Variants in PLXND1 observed in about 807,000 individuals in gnomAD.
PLXND1 encodes the protein plexin D1.
Under a neutral mutation model 197.7 loss-of-function variants are expected in PLXND1, and 54 were observed. That is an observed-to-expected ratio of 0.27 (90% CI 0.22 to 0.34). The LOEUF (loss-of-function observed/expected upper bound fraction) is 0.34. Among genes scored for constraint, PLXND1 ranks in the 10% least tolerant of loss-of-function variants. The probability of loss-of-function intolerance (pLI) is 1.00; values close to 1 mark genes in which losing one functional copy is unlikely to be tolerated. For missense variants in PLXND1, 2,127 were observed against 2,699.2 expected, an observed-to-expected ratio of 0.79 and a Z score of 4.70; for synonymous variants, 1,180 against 1,161.2, an observed-to-expected ratio of 1.02 and a Z score of -0.33.
At chr3:129,556,835 G>A in intron 34 of PLXND1, 144 bp from the exon 35 acceptor site, 1 of 709,324 alleles carries the variant, frequency 1.4e-6, no homozygotes, top group South Asian at 1.8e-5. Context: ...CAAGTCCCAT[G>A]GACGAAGACG....
chr3:129,588,494 C>A (rs541740933), intron 2 of PLXND1, among the ~76,000 whole-genome samples: 2 of 152,224 alleles, frequency 1.3e-5, no homozygotes, highest in African/African-American at 4.8e-5. Flanking sequence ...CCCCAAACCA[C>A]GAGCCCCATT....
chr3:129,600,052 G>A (rs1433672022), intron 1 of PLXND1, among the ~76,000 whole-genome samples: 1 of 152,238 alleles, frequency 6.6e-6, no homozygotes, highest in African/African-American at 2.4e-5. Context: ...GCTCGGCGAC[G>A]GTTTTTATTC....
At chr3:129,578,476 A>G in intron 8 of PLXND1, 43 bp from the exon 9 acceptor site, 1 of 1,262,352 alleles carries the variant, frequency 7.9e-7, no homozygotes, top group Non-Finnish European at 1.1e-6. Flanking sequence ...GGGGCATTTC[A>G]GAGAAGAGGC....
At chr3:129,602,401 T>C (rs2085722516) in intron 1 of PLXND1, among the ~76,000 whole-genome samples, 1 of 152,204 alleles carries the variant, frequency 6.6e-6, no homozygotes, top group Non-Finnish European at 1.5e-5. Flanking sequence ...GCCTTTCCTC[T>C]TCTCCGGCCT....
At chr3:129,598,800 A>T (rs1321251930) in intron 1 of PLXND1, among the ~76,000 whole-genome samples, 1 of 151,944 alleles carries the variant, frequency 6.6e-6, no homozygotes, top group Non-Finnish European at 1.5e-5. Flanking sequence ...AGCCTGCTCC[A>T]CCTGGAGCAC....
chr3:129,590,851 A>C (rs2085529611), intron 1 of PLXND1, among the ~76,000 whole-genome samples: 1 of 152,196 alleles, frequency 6.6e-6, no homozygotes, highest in Admixed American at 6.5e-5. Flanking sequence ...CCCATGCCTC[A>C]GCTGCATTTG....
chr3:129,600,091 T>C (rs1043073410), intron 1 of PLXND1, among the ~76,000 whole-genome samples: 1 of 152,212 alleles, frequency 6.6e-6, no homozygotes, highest in African/African-American at 2.4e-5. Flanking sequence ...GCCTCTTGCC[T>C]TCAAGACAGT....
At chr3:129,572,458 G>A (rs2085247984) in intron 15 of PLXND1, 151 bp downstream of exon 15, 2 of 601,852 alleles carry the variant, frequency 3.3e-6, no homozygotes, top group African/African-American at 1.9e-5. Context: ...AGGAAACTGA[G>A]GCTCAGAGAG....
chr3:129,572,721 T>C lies in PLXND1; in HGVS notation c.2965A>G (p.Thr989Ala), dbSNP rs1360641621. The C allele has an allele frequency of 2.5e-6, 4 of 1,598,672 alleles. No homozygotes were observed. The African/African-American group carries it at 4.0e-5, about 16-fold the overall frequency. Residue 989 changes from threonine (T) to alanine (A), a missense_variant, in exon 15 of 36, where the codon ACC (threonine) becomes GCC (alanine). By Grantham distance (58) the Thr-to-Ala change is moderately conservative (BLOSUM62 0). This residue lies in a region of PLXND1 where 1,095 missense variants were observed against 1,259.8 expected (regional missense o/e 0.87). Coordinates refer to ENST00000324093, the MANE Select transcript of PLXND1 (RefSeq NM_015103.3). ...VLPLVHSLEPTMGPKAGGTRI... is the reference protein window; with the variant it reads ...VLPLVHSLEPAMGPKAGGTRI... ...GTGCCCCCGGCCTTGGGGCCCATGG[T>C]AGGCTCCAGGGAGTGGACCAGGGGC...
chr3:129,606,403 G>C lies in PLXND1; in HGVS notation c.237C>G (p.Leu79=). The C allele has an allele frequency of 6.8e-7, 1 of 1,476,208 alleles. No homozygotes were observed. The highest frequency in any genetic ancestry group is 1.9e-4 in the Middle Eastern group (1 of 5,392). The allele number at this position is 1,476,208 out of a possible 1,614,324, so 91.4% of individuals were successfully genotyped here. The change falls in exon 1 of 36, where the codon CTC becomes CTG. Residue 79 remains leucine, a synonymous_variant. Transcript: ENST00000324093. The part of the protein sequence containing the change: ...GTVYLAAVNR[L]YQLSGANLSL... ...TCAGGTTGGCGCCCGACAGCTGATAGAGGCGGTTGACGGCCGCCAGGTACA... is the reference window on the plus strand; with the variant it reads ...TCAGGTTGGCGCCCGACAGCTGATACAGGCGGTTGACGGCCGCCAGGTACA...
At chr3:129,560,903 A>G (rs2108764171) in intron 29 of PLXND1, 180 bp from the exon 30 acceptor site, 2 of 685,886 alleles carry the variant, frequency 2.9e-6, no homozygotes, top group Admixed American at 4.1e-5. Context: ...AGAGACAGTC[A>G]GAGAGAATGA....
chr3:129,601,703 G>A (rs892002469), intron 1 of PLXND1, among the ~76,000 whole-genome samples: 2 of 152,116 alleles, frequency 1.3e-5, no homozygotes, highest in Non-Finnish European at 2.9e-5. Context: ...CACCCCATGG[G>A]TACCAACATC....
At chr3:129,570,997 T>C (rs2085217085) in intron 18 of PLXND1, 43 bp downstream of exon 18, 1 of 1,612,952 alleles carries the variant, frequency 6.2e-7, no homozygotes, top group African/African-American at 1.3e-5. Flanking sequence ...CAGCTGAGGC[T>C]GGCTCGCTTG....
intron 1 of PLXND1, among the ~76,000 whole-genome samples, chr3:129,605,036 AC>A (rs1465581069): frequency 6.6e-6 from 1 of 152,120 alleles, no homozygotes; most frequent in African/African-American, 2.4e-5. Flanking sequence ...CTTTATGCGC[AC>A]CTGGGTACCT....
intron 8 of PLXND1, among the ~76,000 whole-genome samples, chr3:129,580,870 C>T (rs762961615): frequency 2.6e-5 from 4 of 151,956 alleles, no homozygotes; most frequent in Non-Finnish European, 2.9e-5. Context: ...TTCCTACCAC[C>T]CCACTCTCTC....
In PLXND1 at chr3:129,585,892, G is replaced by T. The variant is rs1019708115; in HGVS notation, c.1851+60C>A. On this transcript the variant is annotated intron_variant, in intron 5 of 35. Transcript: ENST00000324093. ...AGTCTCCACCTCTCGGGGCCTGGGT[G>T]CTGGGTGAAGGGAGGCTCCCCTGTG... 3.1e-6 allele frequency: 5 copies of T among 1,605,892 alleles called. No individual in the cohort carries two copies. The African/African-American group carries it at 4.0e-5, about 13-fold the overall frequency.
chr3:129,594,878 A>AT (rs1269870345), intron 1 of PLXND1, among the ~76,000 whole-genome samples: 1 of 151,834 alleles, frequency 6.6e-6, no homozygotes. Flanking sequence ...GTAAAAAAAA[A>AT]AAACCCCGCA....
chr3:129,600,292 T>A (rs147537097), intron 1 of PLXND1, among the ~76,000 whole-genome samples: 2 of 152,332 alleles, frequency 1.3e-5, no homozygotes, highest in African/African-American at 4.8e-5. Flanking sequence ...GCATCCCCTG[T>A]CCACTGAGGC....
At chr3:129,567,826 G>C in intron 20 of PLXND1, 21 bp from the exon 21 acceptor site, 1 of 1,472,710 alleles carries the variant, frequency 6.8e-7, no homozygotes. Context: ...TGGAGAGGCA[G>C]GTCAGGCCTC....
Sources: gnomAD v4.1 joint callset for allele counts (sites outside exome capture counted in the v4.1 genomes callset) on GRCh38, gnomAD v4.1.1 for gene constraint, gnomAD v4.1.1 regional missense constraint, MANE v1.5 for transcripts, NCBI Gene and HGNC (gene_info 2026-07-23, HGNC 2026-07-21) for gene names.